KCNH8: variants seen among roughly 807,000 people sequenced by gnomAD.
The protein encoded by KCNH8 is potassium voltage-gated channel subfamily H member 8.
Under a neutral mutation model 103.6 loss-of-function variants are expected in KCNH8, and 70 were observed. The observed-to-expected ratio is 0.68, with a 90% CI of 0.56 to 0.82. The LOEUF is 0.82. Ranked by LOEUF, KCNH8 falls within the 40% of genes least tolerant of loss-of-function variation. The probability of loss-of-function intolerance (pLI) is 0.00; values close to 1 mark genes in which losing one functional copy is unlikely to be tolerated. For missense variants in KCNH8, 1,217 were observed against 1,329.9 expected (o/e 0.92, Z 1.32); for synonymous variants, 498 against 489.4 (o/e 1.02, Z -0.23).
chr3:19,514,941 T>C (rs2068848116), intron 13 of KCNH8, among the ~76,000 whole-genome samples: 1 of 150,888 alleles, frequency 6.6e-6, no homozygotes, highest in Admixed American at 6.6e-5. Context: ...TATATACTTT[T>C]AAATTATCTA....
intron 5 of KCNH8, among the ~76,000 whole-genome samples, chr3:19,376,472 G>A (rs893017640): frequency 6.6e-6 from 1 of 152,092 alleles, no homozygotes; most frequent in East Asian, 1.9e-4. Context: ...CACGGTGCGC[G>A]CACCCACTGA....
At chr3:19,431,330 A>C (rs1202068219) in intron 7 of KCNH8, among the ~76,000 whole-genome samples, 3 of 152,206 alleles carry the variant, frequency 2.0e-5, no homozygotes, top group Non-Finnish European at 2.9e-5. Context: ...TTCTGGCGTG[A>C]AGCCTACTTG....
intron 2 of KCNH8, among the ~76,000 whole-genome samples, chr3:19,275,685 G>A (rs572632997): frequency 4.3e-4 from 66 of 152,238 alleles, no homozygotes; most frequent in Non-Finnish European, 6.6e-4. Flanking sequence ...ATGCTGTAGA[G>A]ACTTATTTGC....
rs185202595 is a variant in KCNH8 at position 19,373,971 on chromosome 3, A to G, written c.812-16510A>G. Reference sequence around the variant, plus strand: ...TAGTTTGATTGCACTGTGGTCTGAGAGATAGTTTGTTACAGTCTCTGTTCT... The same window carrying G: ...TAGTTTGATTGCACTGTGGTCTGAGGGATAGTTTGTTACAGTCTCTGTTCT... On this transcript the variant is annotated intron_variant, in intron 5 of 15. Transcript: ENST00000328405. Among the ~76,000 whole-genome samples the G allele has an allele frequency of 1.2e-4, 19 of 152,220 alleles. No individual in the cohort carries two copies. In the East Asian group the frequency reaches 1.3e-3, roughly 11 times the overall value.
chr3:19,172,072 T>A (rs2063354031), intron 1 of KCNH8, among the ~76,000 whole-genome samples: 1 of 152,208 alleles, frequency 6.6e-6, no homozygotes, highest in African/African-American at 2.4e-5. Flanking sequence ...GGCAAAAATG[T>A]CTTTTTCTTC....
chr3:19,457,444 G>A (rs1311401422), intron 11 of KCNH8, among the ~76,000 whole-genome samples: 1 of 151,944 alleles, frequency 6.6e-6, no homozygotes, highest in Non-Finnish European at 1.5e-5. Context: ...GAGTAAATAT[G>A]CATAAAAGGA....
At chr3:19,220,300 C>G (rs760602391) in intron 1 of KCNH8, among the ~76,000 whole-genome samples, 1 of 152,224 alleles carries the variant, frequency 6.6e-6, no homozygotes, top group African/African-American at 2.4e-5. Context: ...CAAGCTCATG[C>G]AGGTTGCATC....
intron 2 of KCNH8, among the ~76,000 whole-genome samples, chr3:19,265,385 A>G (rs2064494743): frequency 6.6e-6 from 1 of 152,256 alleles, no homozygotes; most frequent in East Asian, 1.9e-4. Flanking sequence ...AAATGAAAGC[A>G]TGGGGCCCTT....
chr3:19,148,596 C>T lies in KCNH8; in HGVS notation c.-124C>T, dbSNP rs2063098160. 3 of 903,508 alleles carry T rather than the reference C, an allele frequency of 3.3e-6. No homozygotes were observed. The highest frequency in any genetic ancestry group is 3.5e-5 in the Admixed American group (2 of 56,402). 56.0% of individuals were successfully genotyped at this position (903,508 alleles called of 1,614,324 possible). A position where few individuals can be genotyped will look rare whatever the true frequency, so the allele number is the denominator to read the frequency against. ...TCCTTCCACTTCCCCTGCTCGGCCC[C>T]GCCGTCAGGCCGGGTCCCCCTTCCC... On this transcript the variant is annotated 5_prime_UTR_variant, in exon 1 of 16. Transcript: ENST00000328405.
intron 1 of KCNH8, among the ~76,000 whole-genome samples, chr3:19,185,140 G>A (rs1445944840): frequency 6.6e-6 from 1 of 151,742 alleles, no homozygotes; most frequent in Non-Finnish European, 1.5e-5. Flanking sequence ...TCTCTTGGGT[G>A]GATTCATAGA....
intron 3 of KCNH8, among the ~76,000 whole-genome samples, chr3:19,291,465 A>G (rs1198999544): frequency 6.6e-6 from 1 of 152,198 alleles, no homozygotes; most frequent in Non-Finnish European, 1.5e-5. Context: ...ATTGGTTTCA[A>G]AGAACATCTT....
At chr3:19,275,425 A>C (rs1309751751) in intron 2 of KCNH8, among the ~76,000 whole-genome samples, 1 of 152,046 alleles carries the variant, frequency 6.6e-6, no homozygotes, top group Non-Finnish European at 1.5e-5. Context: ...TTACACAGGG[A>C]GTCAGGAAAC....
chr3:19,308,382 C>G (rs2125294728), intron 3 of KCNH8, among the ~76,000 whole-genome samples: 1 of 151,612 alleles, frequency 6.6e-6, no homozygotes, highest in Middle Eastern at 3.4e-3. Flanking sequence ...TTGACAGCTT[C>G]TACCTAACCT....
chr3:19,411,753 T>G (rs1199606351), intron 7 of KCNH8, among the ~76,000 whole-genome samples: 2 of 150,772 alleles, frequency 1.3e-5, no homozygotes, highest in African/African-American at 4.9e-5. Flanking sequence ...CACAATCCCA[T>G]TAACCGTAGC....
intron 5 of KCNH8, among the ~76,000 whole-genome samples, chr3:19,365,083 T>TA (rs1274707578): frequency 2.0e-5 from 3 of 152,142 alleles, no homozygotes; most frequent in Non-Finnish European, 1.5e-5. Context: ...TAGACAGACT[T>TA]ACAGATTTTT....
At chr3:19,216,537 T>C (rs2063819830) in intron 1 of KCNH8, among the ~76,000 whole-genome samples, 2 of 152,222 alleles carry the variant, frequency 1.3e-5, no homozygotes, top group South Asian at 4.1e-4. Flanking sequence ...GATTTTAACC[T>C]CAGGAAAATA....
chr3:19,395,300 A>G lies in KCNH8; in HGVS notation c.1166A>G (p.Lys389Arg). Reference protein sequence around the residue: ...KMEREDNSLLKWEVGWLHELG... With the variant: ...KMEREDNSLLRWEVGWLHELG... ...GAGAGGGAAGACAACAGCCTTCTGA[A>G]GTGGGAAGTTGGTAAGGGCTTACAT... The change falls in exon 7 of 16, where the codon AAG (lysine) becomes AGG (arginine). Residue 389 changes from lysine to arginine, a missense_variant. Lys to Arg is a conservative substitution (Grantham distance 26). Coordinates refer to ENST00000328405, the MANE Select transcript of KCNH8 (RefSeq NM_144633.3). The G allele has an allele frequency of 6.2e-7, 1 of 1,610,242 alleles. No individual in the cohort carries two copies. Among genetic ancestry groups the G allele is most frequent in the Non-Finnish European group, 8.5e-7 (1 of 1,177,854 alleles).
chr3:19,299,754 A>T (rs1316788158), intron 3 of KCNH8, among the ~76,000 whole-genome samples: 2 of 152,084 alleles, frequency 1.3e-5, no homozygotes, highest in Non-Finnish European at 2.9e-5. Context: ...AGAAGTCATA[A>T]ATATTGCTGG....
At chr3:19,374,478 C>T (rs1275065078) in intron 5 of KCNH8, among the ~76,000 whole-genome samples, 2 of 152,152 alleles carry the variant, frequency 1.3e-5, no homozygotes, top group Non-Finnish European at 2.9e-5. Context: ...CTTCCTCCAT[C>T]ATTTTATTTT....
Sources: gnomAD v4.1 joint callset for allele counts (sites outside exome capture counted in the v4.1 genomes callset) on GRCh38, gnomAD v4.1.1 for gene constraint, MANE v1.5 for transcripts, NCBI Gene and HGNC (gene_info 2026-07-23, HGNC 2026-07-21) for gene names.